CATSPERE: variants seen among roughly 807,000 people sequenced by gnomAD.
CATSPERE encodes the protein cation channel sperm-associated auxiliary subunit epsilon.
In CATSPERE, 93 loss-of-function variants were observed where a neutral mutation model predicts 114.1. The observed-to-expected ratio is 0.81, with a 90% CI of 0.69 to 0.97. CATSPERE has a LOEUF of 0.97. Among genes scored for constraint, CATSPERE ranks in the 50% least tolerant of loss-of-function variants. CATSPERE has a pLI of 0.00. For synonymous variants in CATSPERE, 341 were observed against 384.1 expected (o/e 0.89, Z 1.31); for missense variants, 1,058 against 1,131.6 (o/e 0.93, Z 0.93).
intron 20 of CATSPERE, among the ~76,000 whole-genome samples, chr1:244,623,873 A>G (rs553217051): frequency 6.6e-6 from 1 of 152,226 alleles, no homozygotes; most frequent in Non-Finnish European, 1.5e-5. Context: ...TTAGCAAGTC[A>G]TAATCTTTTT....
rs1218745305 is a variant in CATSPERE at position 244,607,991 on chromosome 1, C to G, written c.2403+2197C>G. Reference sequence around the variant, plus strand: ...GCATGCTGGCACACACCTGTAATCCCAGCTACTCAGGAGGCTGAGACAGGA... The same window carrying G: ...GCATGCTGGCACACACCTGTAATCCGAGCTACTCAGGAGGCTGAGACAGGA... On this transcript the variant is annotated intron_variant, in intron 18 of 21. Coordinates refer to ENST00000366534, the MANE Select transcript of CATSPERE (RefSeq NM_001130957.2). The surrounding 1 kb of genome is among the most constrained non-coding windows in gnomAD (Gnocchi z 4.4). Among the ~76,000 whole-genome samples the G allele has an allele frequency of 6.6e-6, 1 of 152,084 alleles. No homozygotes were observed. Among genetic ancestry groups the G allele is most frequent in the African/African-American group, 2.4e-5 (1 of 41,396 alleles).
At chr1:244,580,232 T>A (rs1665966105) in intron 11 of CATSPERE, among the ~76,000 whole-genome samples, 1 of 150,052 alleles carries the variant, frequency 6.7e-6, no homozygotes, top group Non-Finnish European at 1.5e-5. Flanking sequence ...TTTTTTTTTT[T>A]AGTAGAGACA....
intron 20 of CATSPERE, among the ~76,000 whole-genome samples, chr1:244,623,612 A>C (rs533311105): frequency 1.3e-5 from 2 of 152,252 alleles, no homozygotes; most frequent in African/African-American, 4.8e-5. Flanking sequence ...TACACAGAGA[A>C]GGCTTTGGTT....
intron 18 of CATSPERE, 82 bp downstream of exon 18, chr1:244,605,876 T>A: frequency 1.1e-6 from 1 of 944,740 alleles, no homozygotes; most frequent in Non-Finnish European, 1.6e-6. Context: ...ATAAGCGATC[T>A]AAGGAAAATA....
chr1:244,553,624 C>CACACACACACATACATATATACAT (rs1553356183), intron 9 of CATSPERE, among the ~76,000 whole-genome samples: 1 of 144,448 alleles, frequency 6.9e-6, no homozygotes, highest in African/African-American at 2.7e-5. Context: ...CACACACACA[C>CACACACACACATACATATATACAT]ACACACACAC....
chr1:244,453,106 A>G (rs187428124), upstream of CATSPERE, among the ~76,000 whole-genome samples: 17 of 152,370 alleles, frequency 1.1e-4, no homozygotes, highest in Admixed American at 1.1e-3. Flanking sequence ...CTGATAACAT[A>G]GGAGAAATAA....
rs138659772 is a variant in CATSPERE, at chr1:244,530,242, G to A, written c.536+11544G>A. On this transcript the variant is annotated intron_variant, in intron 8 of 21. Coordinates refer to ENST00000366534, the MANE Select transcript of CATSPERE (RefSeq NM_001130957.2). ...TGGGATTACAGGTGTGAACCACTGC[G>A]CCCAGCCCCCAGCACCATTTCTTGA... is the stretch of plus-strand genomic sequence containing the variant. Among the ~76,000 whole-genome samples, 1,110 of 152,134 alleles carry A rather than the reference G, an allele frequency of 7.3e-3. 13 individuals carry two copies. Among genetic ancestry groups the A allele is most frequent in the African/African-American group, 0.025 (1,029 of 41,508 alleles).
chr1:244,615,144 G>A (rs1292712078), intron 19 of CATSPERE, among the ~76,000 whole-genome samples: 3 of 151,014 alleles, frequency 2.0e-5, no homozygotes, highest in African/African-American at 4.9e-5. Flanking sequence ...GTCAGCTTCT[G>A]GAATGAAAGG....
intron 2 of CATSPERE, among the ~76,000 whole-genome samples, chr1:244,467,449 G>A (rs1208778450): frequency 6.6e-6 from 1 of 152,160 alleles, no homozygotes; most frequent in African/African-American, 2.4e-5. Context: ...CTAAAATTAA[G>A]AAGACTGAAG....
chr1:244,527,358 T>C (rs1051706786), intron 8 of CATSPERE, among the ~76,000 whole-genome samples: 1 of 152,198 alleles, frequency 6.6e-6, no homozygotes, highest in Non-Finnish European at 1.5e-5. Flanking sequence ...AATTCAGCGA[T>C]ATTTCTCCCA....
chr1:244,496,001 A>G (rs1402088714), intron 6 of CATSPERE, among the ~76,000 whole-genome samples: 1 of 152,244 alleles, frequency 6.6e-6, no homozygotes, highest in Non-Finnish European at 1.5e-5. Flanking sequence ...TATTTCCATG[A>G]CGTGACCTTG....
chr1:244,559,701 A>C (rs1257534899), intron 9 of CATSPERE, among the ~76,000 whole-genome samples: 2 of 152,200 alleles, frequency 1.3e-5, no homozygotes, highest in Non-Finnish European at 2.9e-5. Flanking sequence ...ATGAGTTAAT[A>C]TTTGAAGAGA....
intron 5 of CATSPERE, among the ~76,000 whole-genome samples, chr1:244,483,493 A>C (rs745474874): frequency 4.6e-5 from 7 of 152,130 alleles, no homozygotes; most frequent in African/African-American, 1.2e-4. Context: ...CAACACTTAA[A>C]ATTGTCTGAC....
chr1:244,534,370 T>C (rs1680054166), intron 8 of CATSPERE, among the ~76,000 whole-genome samples: 1 of 152,202 alleles, frequency 6.6e-6, no homozygotes, highest in South Asian at 2.1e-4. Context: ...TCTCTGTCTC[T>C]ACCTCCTCTT....
chr1:244,595,656 G>C (rs913165024), intron 17 of CATSPERE, among the ~76,000 whole-genome samples: 3 of 152,214 alleles, frequency 2.0e-5, no homozygotes, highest in Non-Finnish European at 2.9e-5. Context: ...TTTAGGCTGG[G>C]CACAGTGGCT....
chr1:244,573,694 G>T lies in CATSPERE; in HGVS notation c.1950+922G>T, dbSNP rs551856058. Among the ~76,000 whole-genome samples the T allele has an allele frequency of 6.6e-6, 1 of 152,150 alleles. No individual in the cohort carries two copies. The highest frequency in any genetic ancestry group is 1.5e-5 in the Non-Finnish European group (1 of 68,028). The stretch of plus-strand genomic sequence containing the variant: ...CAGTCTCAGGGCAGTGTTCCAAGAC[G>T]GTGAGAGCAGAAGCCTAGGTTTGGC... On this transcript the variant is annotated intron_variant, in intron 11 of 21. Coordinates refer to ENST00000366534, the MANE Select transcript of CATSPERE (RefSeq NM_001130957.2). The surrounding 1 kb of genome is among the most constrained non-coding windows in gnomAD (Gnocchi z 4.0).
chr1:244,505,477 A>G (rs961951178), intron 7 of CATSPERE, among the ~76,000 whole-genome samples: 2 of 152,148 alleles, frequency 1.3e-5, no homozygotes, highest in Admixed American at 6.5e-5. Context: ...ATATTTAACT[A>G]TCTGTATTTA....
intron 18 of CATSPERE, among the ~76,000 whole-genome samples, chr1:244,609,391 C>T (rs1670419400): frequency 6.6e-6 from 1 of 151,190 alleles, no homozygotes; most frequent in Non-Finnish European, 1.5e-5. Context: ...CACTCTGTCG[C>T]CCGGTCTGGA....
At chr1:244,515,610 G>GTTA (rs1285678150) in intron 7 of CATSPERE, among the ~76,000 whole-genome samples, 2 of 152,124 alleles carry the variant, frequency 1.3e-5, no homozygotes, top group East Asian at 3.9e-4. Flanking sequence ...AAGAGAGGGG[G>GTTA]CCTAAGGCCA....
Sources: allele counts gnomAD v4.1 joint callset (sites outside exome capture counted in the v4.1 genomes callset), GRCh38; gene constraint gnomAD v4.1.1; non-coding constraint Gnocchi (gnomAD v3.1); transcripts MANE v1.5; gene names NCBI Gene and HGNC (gene_info 2026-07-23, HGNC 2026-07-21).